Variants in DPP6 observed in about 807,000 individuals in gnomAD.
The protein encoded by DPP6 is A-type potassium channel modulatory protein DPP6.
DPP6 carries 69 observed loss-of-function variants against 122.6 expected under a neutral mutation model. The ratio of observed to expected loss-of-function variants is 0.56; its 90% confidence interval spans 0.46 to 0.69. The LOEUF (loss-of-function observed/expected upper bound fraction) is 0.69, where lower values mean the gene tolerates loss of function less well. Among genes scored for constraint, DPP6 ranks in the 30% least tolerant of loss-of-function variants. DPP6 has a pLI of 0.00. For missense variants in DPP6, 928 were observed against 1,116.9 expected (o/e 0.83, Z 2.41); for synonymous variants, 418 against 433.1 (o/e 0.97, Z 0.43).
At chr7:154,075,310 A>C (rs373085961) in intron 1 of DPP6, among the ~76,000 whole-genome samples, 1 of 152,294 alleles carries the variant, frequency 6.6e-6, no homozygotes, top group South Asian at 2.1e-4. Context: ...CTGTGTATCT[A>C]TCTACCCAGC....
intron 1 of DPP6, among the ~76,000 whole-genome samples, chr7:154,316,469 C>T (rs1807439686): frequency 6.6e-6 from 1 of 152,226 alleles, no homozygotes; most frequent in African/African-American, 2.4e-5. Flanking sequence ...AGCTTCAAGT[C>T]TTCTCCATCC....
At chr7:154,719,044 C>G (rs980782094) in intron 7 of DPP6, among the ~76,000 whole-genome samples, 2 of 152,192 alleles carry the variant, frequency 1.3e-5, no homozygotes, top group African/African-American at 4.8e-5. Flanking sequence ...CCCCATTGCT[C>G]TTTCAAAAAT....
intron 1 of DPP6, among the ~76,000 whole-genome samples, chr7:154,349,131 G>A (rs1292929897): frequency 6.6e-6 from 1 of 152,138 alleles, no homozygotes; most frequent in Admixed American, 6.5e-5. Context: ...GGTGACATGT[G>A]GATTTTAATA....
chr7:153,954,216 A>G (rs949772472), intron 1 of DPP6, among the ~76,000 whole-genome samples: 1 of 152,234 alleles, frequency 6.6e-6, no homozygotes, highest in Non-Finnish European at 1.5e-5. Context: ...GTTTGTCTGT[A>G]AAGTGTCACT....
intron 1 of DPP6, among the ~76,000 whole-genome samples, chr7:154,430,328 G>A (rs1818256261): frequency 6.6e-6 from 1 of 152,202 alleles, no homozygotes; most frequent in African/African-American, 2.4e-5. Context: ...TCAGGCTGTT[G>A]TAGCAGAATA....
chr7:154,499,115 T>G (rs1490405672), intron 3 of DPP6, among the ~76,000 whole-genome samples: 1 of 152,162 alleles, frequency 6.6e-6, no homozygotes, highest in East Asian at 1.9e-4. Flanking sequence ...GAGAATATTT[T>G]TATCTGGACA....
At chr7:154,201,939 A>G (rs1371658342) in intron 1 of DPP6, among the ~76,000 whole-genome samples, 1 of 152,150 alleles carries the variant, frequency 6.6e-6, no homozygotes, top group Non-Finnish European at 1.5e-5. Context: ...TTCTTGTATC[A>G]CAGAGTTACT....
At chr7:154,364,369 G>T (rs574703331) in intron 1 of DPP6, among the ~76,000 whole-genome samples, 1 of 152,092 alleles carries the variant, frequency 6.6e-6, no homozygotes, top group African/African-American at 2.4e-5. Context: ...CACTTATGCC[G>T]CACTGGAGAA....
chr7:154,462,917 A>G (rs1464744639), intron 2 of DPP6, among the ~76,000 whole-genome samples: 5 of 149,160 alleles, frequency 3.4e-5, no homozygotes. Flanking sequence ...TGGCATATAG[A>G]AATACTACTG....
rs1804822410 is a variant in DPP6, at chr7:154,876,070, T to G, written c.2048T>G (p.Leu683Arg). Residue 683 changes from leucine (L) to arginine (R), a missense_variant, in exon 20 of 26, where the codon CTG becomes CGG. Physicochemically the swap from Leu to Arg is moderately radical, Grantham distance 102. Coordinates refer to ENST00000377770, the MANE Select transcript of DPP6 (RefSeq NM_130797.4). ...GAAGTGAGGCGGCGGCTGGGCTTGC[T>G]GGAGGAGAAGGACCAGATGGAGGCC... is the stretch of plus-strand genomic sequence containing the variant. ...LHEVRRRLGLLEEKDQMEAVR... is the reference protein window; with the variant it reads ...LHEVRRRLGLREEKDQMEAVR... 1.9e-6 allele frequency: 3 copies of G among 1,606,952 alleles called. No individual in the cohort carries two copies. The highest frequency in any genetic ancestry group is 2.6e-6 in the Non-Finnish European group (3 of 1,176,434).
intron 5 of DPP6, among the ~76,000 whole-genome samples, chr7:154,570,957 C>A (rs1484773881): frequency 6.6e-6 from 1 of 152,102 alleles, no homozygotes; most frequent in South Asian, 2.1e-4. Flanking sequence ...TTATGTGGCA[C>A]CAGCATTATA....
At position 154,089,320 on chromosome 7, in the gene DPP6, A is replaced by G. The variant is rs367788782; in HGVS notation, c.243+36257A>G. ...AGAGACTGCTGTCCAATTATTGCCA[A>G]TGCTAGGGAGGGCATTTCTGCCTCA... On this transcript the variant is annotated intron_variant, in intron 1 of 25. Transcript: ENST00000377770. Among the ~76,000 whole-genome samples the G allele has an allele frequency of 1.8e-3, 271 of 147,092 alleles. 2 individuals are homozygous for G. Among genetic ancestry groups the G allele is most frequent in the African/African-American group, 6.4e-3 (254 of 39,414 alleles).
At chr7:153,865,913 T>C in the DPP6 span, among the ~76,000 whole-genome samples, 1 of 151,578 alleles carries the variant, frequency 6.6e-6, no homozygotes, top group Non-Finnish European at 1.5e-5. Flanking sequence ...TTTAGTTTTT[T>C]GTCCTTGCGA....
At chr7:154,155,406 C>T (rs976601684) in intron 1 of DPP6, among the ~76,000 whole-genome samples, 1 of 152,176 alleles carries the variant, frequency 6.6e-6, no homozygotes, top group Non-Finnish European at 1.5e-5. Flanking sequence ...AAGCATCCCT[C>T]CCTGCAGAGA....
intron 1 of DPP6, among the ~76,000 whole-genome samples, chr7:153,980,544 C>G (rs879214803): frequency 6.6e-6 from 1 of 151,944 alleles, no homozygotes; most frequent in African/African-American, 2.4e-5. Flanking sequence ...GTGTCTATCT[C>G]CTTCAGTTCT....
the DPP6 span, among the ~76,000 whole-genome samples, chr7:153,831,748 A>G: frequency 1.3e-5 from 2 of 152,226 alleles, no homozygotes; most frequent in Non-Finnish European, 2.9e-5. Context: ...CACAGGCTGT[A>G]TAACGCAGGC....
At chr7:154,500,704 T>G (rs1208732870) in intron 3 of DPP6, among the ~76,000 whole-genome samples, 5 of 152,202 alleles carry the variant, frequency 3.3e-5, no homozygotes. Flanking sequence ...AACCTCTTTC[T>G]TTTGTCAACT....
rs75537321 is a variant in DPP6, at chr7:154,590,137, C to G, written c.627+23221C>G. On this transcript the variant is annotated intron_variant, in intron 5 of 25. Transcript: ENST00000377770. ...CAAACCGATTTGCTCTCGGGTACCA[C>G]TAGTTTATTATAATAAGATGTACAA... Among the ~76,000 whole-genome samples the G allele has an allele frequency of 7.1e-3, 1,087 of 152,192 alleles. 13 individuals carry two copies. The highest frequency in any genetic ancestry group is 0.024 in the African/African-American group (996 of 41,508).
chr7:154,740,487 A>G (rs1290653795), intron 8 of DPP6, among the ~76,000 whole-genome samples: 1 of 152,066 alleles, frequency 6.6e-6, no homozygotes, highest in Admixed American at 6.5e-5. Context: ...TGCTCACTAA[A>G]CCTGTATTCT....
Sources: allele counts gnomAD v4.1 joint callset (sites outside exome capture counted in the v4.1 genomes callset), GRCh38; gene constraint gnomAD v4.1.1; transcripts MANE v1.5; gene names NCBI Gene and HGNC (gene_info 2026-07-23, HGNC 2026-07-21).